Variants in GRIK4 observed in about 807,000 individuals in gnomAD.
The protein encoded by GRIK4 is glutamate receptor ionotropic, kainate 4.
GRIK4 carries 40 observed loss-of-function variants against 104.9 expected under a neutral mutation model. That is an observed-to-expected ratio of 0.38 (90% CI 0.30 to 0.50). The LOEUF is 0.50. Among genes scored for constraint, GRIK4 ranks in the 20% least tolerant of loss-of-function variants. The probability of loss-of-function intolerance (pLI) is 0.93; values close to 1 mark genes in which losing one functional copy is unlikely to be tolerated. For synonymous variants in GRIK4, 485 were observed against 524.9 expected, an observed-to-expected ratio of 0.92 and a Z score of 1.04; for missense variants, 1,047 against 1,308.1, an observed-to-expected ratio of 0.80 and a Z score of 3.08.
At chr11:120,650,073 G>T (rs545256536) in intron 1 of GRIK4, among the ~76,000 whole-genome samples, 1 of 152,280 alleles carries the variant, frequency 6.6e-6, no homozygotes, top group East Asian at 1.9e-4. Flanking sequence ...CCATCCCACA[G>T]GTGGAAGCTC....
intron 1 of GRIK4, among the ~76,000 whole-genome samples, chr11:120,522,482 C>T (rs916569995): frequency 1.1e-4 from 16 of 152,066 alleles, no homozygotes; most frequent in South Asian, 6.2e-4. Flanking sequence ...CCACCACACC[C>T]GGCTAATTTT....
chr11:120,686,684 G>T (rs78813250), intron 3 of GRIK4, among the ~76,000 whole-genome samples: 6,350 of 152,288 alleles, frequency 0.042, 241 homozygotes, highest in East Asian at 0.11. Context: ...CGTTATTGCC[G>T]TTGGCTTTGG....
chr11:120,613,124 CGTT>C (rs927037203), intron 1 of GRIK4, among the ~76,000 whole-genome samples: 12 of 152,282 alleles, frequency 7.9e-5, no homozygotes, highest in African/African-American at 2.6e-4. Context: ...ATCCATGTGT[CGTT>C]GTGACTCAGA....
chr11:120,689,293 C>T (rs1220858967), intron 3 of GRIK4, among the ~76,000 whole-genome samples: 1 of 152,152 alleles, frequency 6.6e-6, no homozygotes, highest in Non-Finnish European at 1.5e-5. Context: ...ACCTGCCTCC[C>T]ATCCCTCACT....
At chr11:120,981,997 C>T (rs1944660502) in intron 19 of GRIK4, 109 bp from the exon 20 acceptor site, 3 of 757,618 alleles carry the variant, frequency 4.0e-6, no homozygotes, top group Non-Finnish European at 7.1e-6. Flanking sequence ...TCTACTTGAG[C>T]ATCTACCATA....
chr11:120,613,481 A>G (rs539661401), intron 1 of GRIK4, among the ~76,000 whole-genome samples: 1 of 152,190 alleles, frequency 6.6e-6, no homozygotes, highest in African/African-American at 2.4e-5. Context: ...TGATGTGTGC[A>G]TGTGTTGTAC....
At chr11:120,753,434 T>A (rs1414477004) in intron 3 of GRIK4, among the ~76,000 whole-genome samples, 1 of 152,018 alleles carries the variant, frequency 6.6e-6, no homozygotes, top group African/African-American at 2.4e-5. Context: ...TTGTCACTCA[T>A]TGGCTGAGCG....
At chr11:120,637,625 T>C (rs186973835) in intron 1 of GRIK4, among the ~76,000 whole-genome samples, 1 of 152,278 alleles carries the variant, frequency 6.6e-6, no homozygotes, top group African/African-American at 2.4e-5. Context: ...AAAGTAAATA[T>C]TACTTCTTAG....
chr11:120,636,847 A>T (rs1419594555), intron 1 of GRIK4, among the ~76,000 whole-genome samples: 1 of 152,026 alleles, frequency 6.6e-6, no homozygotes, highest in South Asian at 2.1e-4. Context: ...CTCAAAAAAA[A>T]AAGAAAGGAA....
intron 12 of GRIK4, among the ~76,000 whole-genome samples, chr11:120,904,401 C>T (rs2000911): frequency 0.13 from 19,264 of 152,184 alleles, 3,399 homozygotes; most frequent in African/African-American, 0.4. Context: ...CCTTTCTGTG[C>T]CTCTTACATC....
chr11:120,852,894 C>T (rs908000608), intron 8 of GRIK4, among the ~76,000 whole-genome samples: 5 of 152,188 alleles, frequency 3.3e-5, no homozygotes, highest in African/African-American at 1.2e-4. Flanking sequence ...TGCATTAGAT[C>T]TAGCTATGAA....
chr11:120,896,545 A>G (rs577057007), intron 11 of GRIK4, among the ~76,000 whole-genome samples: 75 of 152,302 alleles, frequency 4.9e-4, no homozygotes, highest in African/African-American at 1.8e-3. Context: ...TGTAGAGACC[A>G]TAAGGCTCCT....
intron 3 of GRIK4, among the ~76,000 whole-genome samples, chr11:120,731,451 T>C (rs1277335173): frequency 1.3e-5 from 2 of 152,116 alleles, no homozygotes; most frequent in East Asian, 1.9e-4. Context: ...TTTTAATATA[T>C]TGTTAAATTT....
chr11:120,561,987 C>T (rs1055281562), intron 1 of GRIK4, among the ~76,000 whole-genome samples: 5 of 152,176 alleles, frequency 3.3e-5, no homozygotes, highest in East Asian at 1.9e-4. Context: ...AGAAGGATGT[C>T]GTGTTCTTCC....
chr11:120,672,563 G>A (rs2135268869), intron 3 of GRIK4, among the ~76,000 whole-genome samples: 1 of 152,370 alleles, frequency 6.6e-6, no homozygotes. Context: ...TCCTATCCAT[G>A]AGCATGGAAT....
At chr11:120,881,093 C>A (rs147535566) in intron 11 of GRIK4, among the ~76,000 whole-genome samples, 1 of 152,272 alleles carries the variant, frequency 6.6e-6, no homozygotes, top group East Asian at 1.9e-4. Flanking sequence ...CTTTTCAGTT[C>A]GTCTAGGTTG....
chr11:120,707,921 A>G (rs751628134), intron 3 of GRIK4, among the ~76,000 whole-genome samples: 1 of 152,184 alleles, frequency 6.6e-6, no homozygotes, highest in Non-Finnish European at 1.5e-5. Flanking sequence ...CACAAGAACC[A>G]TGCAGAAGCT....
At chr11:120,887,056 T>G (rs115602376) in intron 11 of GRIK4, among the ~76,000 whole-genome samples, 8 of 152,356 alleles carry the variant, frequency 5.3e-5, no homozygotes, top group African/African-American at 1.7e-4. Flanking sequence ...GCTCTCATTC[T>G]TGGAAAGTTC....
chr11:120,904,617 T>G (rs999706741), intron 12 of GRIK4, among the ~76,000 whole-genome samples: 9 of 152,216 alleles, frequency 5.9e-5, no homozygotes, highest in African/African-American at 1.9e-4. Context: ...CCCATCCATC[T>G]ACATTTCTCC....
Sources: gnomAD v4.1 joint callset for allele counts (sites outside exome capture counted in the v4.1 genomes callset) on GRCh38, gnomAD v4.1.1 for gene constraint, MANE v1.5 for transcripts, NCBI Gene and HGNC (gene_info 2026-07-23, HGNC 2026-07-21) for gene names.